The following PCDH9 variants were observed in gnomAD, a reference collection of about 807,000 sequenced individuals.
The protein encoded by PCDH9 is protocadherin 9.
Under a neutral mutation model 70.6 loss-of-function variants are expected in PCDH9, and 24 were observed. The ratio of observed to expected loss-of-function variants is 0.34; its 90% CI spans 0.25 to 0.48. The LOEUF is 0.48. PCDH9 is among the 20% of genes least tolerant of loss of function. PCDH9 has a pLI of 0.99. For synonymous variants in PCDH9, 562 were observed against 558.5 expected (o/e 1.01, Z -0.09); for missense variants, 1,281 against 1,503.6 (o/e 0.85, Z 2.45).
intron 4 of PCDH9, among the ~76,000 whole-genome samples, chr13:66,473,953 T>C (rs982734747): frequency 1.4e-4 from 22 of 152,192 alleles, no homozygotes; most frequent in Non-Finnish European, 3.2e-4. Flanking sequence ...TCCTTAATTC[T>C]TTGATCTTGA....
intron 3 of PCDH9, among the ~76,000 whole-genome samples, chr13:66,811,345 G>A (rs2080501635): frequency 6.6e-6 from 1 of 152,020 alleles, no homozygotes; most frequent in Non-Finnish European, 1.5e-5. Context: ...AGGCCCTTGT[G>A]GTCCTATATT....
At chr13:66,738,454 C>T (rs1311302372) in intron 3 of PCDH9, among the ~76,000 whole-genome samples, 12 of 150,262 alleles carry the variant, frequency 8.0e-5, no homozygotes, top group Admixed American at 2.7e-4. Flanking sequence ...TCCAAAGGAA[C>T]GCAGTTCCTC....
rs143703161 is a variant in PCDH9, at chr13:66,437,892, C to T, written c.3341-132864G>A. 1.5e-3 allele frequency among the ~76,000 whole-genome samples: 222 copies of T among 152,194 alleles called. 1 individual carries two copies. Among genetic ancestry groups the T allele is most frequent in the Middle Eastern group, 6.8e-3 (2 of 294 alleles). ...AGGGGGAATTCTGGGATATTGGCAA[C>T]GTTGTTTCGTGATCTGGGTGCTGTT... On this transcript the variant is annotated intron_variant, in intron 4 of 4. Transcript: ENST00000377865.
chr13:66,911,535 T>G (rs1376928925), intron 2 of PCDH9, among the ~76,000 whole-genome samples: 1 of 152,210 alleles, frequency 6.6e-6, no homozygotes, highest in Non-Finnish European at 1.5e-5. Flanking sequence ...GGATGTTATA[T>G]GAGTTTTATG....
At chr13:66,414,845 TA>T (rs1413901001) in intron 4 of PCDH9, among the ~76,000 whole-genome samples, 1 of 152,126 alleles carries the variant, frequency 6.6e-6, no homozygotes, top group African/African-American at 2.4e-5. Flanking sequence ...ATTTTAAGAA[TA>T]AAAATGTTAC....
chr13:66,955,881 CAGG>C (rs531149470), intron 2 of PCDH9, among the ~76,000 whole-genome samples: 25 of 152,080 alleles, frequency 1.6e-4, no homozygotes, highest in Non-Finnish European at 2.9e-4. Flanking sequence ...CACTTCAGGT[CAGG>C]AGTTCGACAC....
intron 2 of PCDH9, among the ~76,000 whole-genome samples, chr13:66,910,809 G>A (rs1227764201): frequency 6.6e-6 from 1 of 152,054 alleles, no homozygotes; most frequent in African/African-American, 2.4e-5. Context: ...TTGCGTAAGT[G>A]GTATTTCAGA....
chr13:66,458,644 C>T (rs1958364845), intron 4 of PCDH9, among the ~76,000 whole-genome samples: 1 of 151,968 alleles, frequency 6.6e-6, no homozygotes, highest in Non-Finnish European at 1.5e-5. Flanking sequence ...ACATCACCAG[C>T]ACAATAAAAT....
chr13:66,729,172 C>G (rs2079041067), intron 3 of PCDH9, among the ~76,000 whole-genome samples: 1 of 152,022 alleles, frequency 6.6e-6, no homozygotes, highest in East Asian at 1.9e-4. Context: ...AAATTTGTTC[C>G]TCTTCTTGTG....
chr13:66,679,599 G>T (rs2078290843), intron 3 of PCDH9, among the ~76,000 whole-genome samples: 1 of 151,790 alleles, frequency 6.6e-6, no homozygotes, highest in African/African-American at 2.4e-5. Flanking sequence ...AAAAGGTTTA[G>T]GTTAGAATTA....
chr13:66,500,804 T>A (rs117115725), intron 4 of PCDH9, among the ~76,000 whole-genome samples: 5,091 of 152,272 alleles, frequency 0.033, 134 homozygotes, highest in South Asian at 0.11. Context: ...GAAATTCTAA[T>A]ATCACCATTA....
chr13:67,049,270 A>G (rs2085279313), intron 2 of PCDH9, among the ~76,000 whole-genome samples: 1 of 152,232 alleles, frequency 6.6e-6, no homozygotes, highest in Admixed American at 6.5e-5. Flanking sequence ...TCTTGAGCAC[A>G]TCATTTATAC....
intron 2 of PCDH9, among the ~76,000 whole-genome samples, chr13:67,130,751 C>A (rs749324370): frequency 6.6e-6 from 1 of 152,140 alleles, no homozygotes; most frequent in African/African-American, 2.4e-5. Flanking sequence ...TCCTGCCAGG[C>A]AGCAAGCCAT....
intron 2 of PCDH9, among the ~76,000 whole-genome samples, chr13:67,169,862 G>A (rs551387281): frequency 6.6e-6 from 1 of 152,236 alleles, no homozygotes; most frequent in South Asian, 2.1e-4. Flanking sequence ...ACTCACATGA[G>A]TCTCTATTTA....
chr13:66,751,331 G>A (rs1181339057), intron 3 of PCDH9, among the ~76,000 whole-genome samples: 1 of 151,982 alleles, frequency 6.6e-6, no homozygotes, highest in African/African-American at 2.4e-5. Flanking sequence ...TGGGAGAATT[G>A]AGCAAGGGGT....
At chr13:66,611,708 T>C (rs2077295588) in intron 4 of PCDH9, among the ~76,000 whole-genome samples, 1 of 152,312 alleles carries the variant, frequency 6.6e-6, no homozygotes, top group Non-Finnish European at 1.5e-5. Flanking sequence ...GGAAGACTGG[T>C]CTAATATTTC....
intron 2 of PCDH9, among the ~76,000 whole-genome samples, chr13:67,071,420 C>G (rs1260485379): frequency 1.3e-5 from 2 of 152,024 alleles, no homozygotes; most frequent in African/African-American, 4.8e-5. Context: ...TTGCCAAAAC[C>G]TTGGTAGGGA....
intron 3 of PCDH9, among the ~76,000 whole-genome samples, chr13:66,688,076 G>A (rs2078431309): frequency 6.6e-6 from 1 of 151,842 alleles, no homozygotes; most frequent in South Asian, 2.1e-4. Context: ...TTGCTTATGC[G>A]GGCTTTTCTA....
intron 4 of PCDH9, among the ~76,000 whole-genome samples, chr13:66,601,212 G>T (rs2077161929): frequency 6.9e-6 from 1 of 145,604 alleles, no homozygotes; most frequent in Non-Finnish European, 1.5e-5. Flanking sequence ...ACAACTTAAA[G>T]AAATTATTTT....
Sources: gnomAD v4.1 joint callset for allele counts (sites outside exome capture counted in the v4.1 genomes callset) on GRCh38, gnomAD v4.1.1 for gene constraint, MANE v1.5 for transcripts, NCBI Gene and HGNC (gene_info 2026-07-23, HGNC 2026-07-21) for gene names.